NLK: variants seen among roughly 807,000 people sequenced by gnomAD.
NLK encodes the protein nemo like kinase, also known as serine/threonine-protein kinase NLK.
A neutral mutation model predicts 59.0 loss-of-function variants in NLK; 11 were observed. The observed-to-expected ratio is 0.19, with a 90% confidence interval of 0.12 to 0.31. The LOEUF (loss-of-function observed/expected upper bound fraction) is 0.31, where lower values mean the gene tolerates loss of function less well. Among genes scored for constraint, NLK ranks in the 10% least tolerant of loss-of-function variants. The pLI, the probability that NLK is intolerant of heterozygous loss-of-function variation, is 1.00. For missense variants in NLK, 410 were observed against 661.1 expected (o/e 0.62, Z 4.16); for synonymous variants, 235 against 235.9 (o/e 1.00, Z 0.03).
intron 1 of NLK, among the ~76,000 whole-genome samples, chr17:28,044,794 A>G (rs886652084): frequency 6.6e-6 from 1 of 152,170 alleles, no homozygotes; most frequent in Non-Finnish European, 1.5e-5. Context: ...AAATTTTGTC[A>G]TTGATTTACT....
At chr17:28,136,374 T>C (rs1011686197) in intron 3 of NLK, among the ~76,000 whole-genome samples, 2 of 152,082 alleles carry the variant, frequency 1.3e-5, no homozygotes, top group African/African-American at 4.8e-5. Context: ...GTGGTGTCAA[T>C]TGGAAAAAAC....
intron 1 of NLK, among the ~76,000 whole-genome samples, chr17:28,099,620 G>A (rs1482240110): frequency 4.3e-5 from 6 of 138,734 alleles, no homozygotes; most frequent in African/African-American, 1.1e-4. Context: ...CGCCCAGGCC[G>A]GACTGCGGAC....
chr17:28,177,538 G>C (rs1439212038), intron 7 of NLK, among the ~76,000 whole-genome samples: 1 of 152,160 alleles, frequency 6.6e-6, no homozygotes, highest in South Asian at 2.1e-4. Context: ...TCCATGCCAG[G>C]AATCTGACTC....
At chr17:28,171,233 A>G (rs1045886355) in intron 6 of NLK, 1 of 152,204 alleles carries the variant, frequency 6.6e-6, no homozygotes, top group African/African-American at 2.4e-5. Flanking sequence ...AAGTATCTCC[A>G]TTAACCTGTA....
intron 1 of NLK, among the ~76,000 whole-genome samples, chr17:28,057,175 G>A (rs1172821461): frequency 6.6e-6 from 1 of 151,934 alleles, no homozygotes; most frequent in Non-Finnish European, 1.5e-5. Context: ...GCCTGGTCTC[G>A]AACTCCTGAT....
chr17:28,076,513 C>A (rs914479249), intron 1 of NLK, among the ~76,000 whole-genome samples: 1 of 152,182 alleles, frequency 6.6e-6, no homozygotes, highest in African/African-American at 2.4e-5. Flanking sequence ...AGGATTTCAA[C>A]ATACAAATTT....
intron 1 of NLK, among the ~76,000 whole-genome samples, chr17:28,071,374 TAGA>T (rs1246556554): frequency 2.6e-5 from 4 of 151,958 alleles, no homozygotes; most frequent in Non-Finnish European, 5.9e-5. Flanking sequence ...GTAGATCAAA[TAGA>T]AGAGAATTTT....
At chr17:28,193,644 C>T (rs1390264173) in intron 10 of NLK, among the ~76,000 whole-genome samples, 2 of 152,220 alleles carry the variant, frequency 1.3e-5, no homozygotes, top group Non-Finnish European at 2.9e-5. Flanking sequence ...CAGTCTCTAT[C>T]TTCCCCGCTG....
chr17:28,085,344 A>G (rs1205574472), intron 1 of NLK, among the ~76,000 whole-genome samples: 5 of 152,224 alleles, frequency 3.3e-5, no homozygotes, highest in Non-Finnish European at 1.5e-5. Context: ...AAGTAATTAA[A>G]TTTAAACTTA....
chr17:28,167,370 G>A (rs902479211), intron 5 of NLK, among the ~76,000 whole-genome samples: 4 of 151,686 alleles, frequency 2.6e-5, no homozygotes, highest in East Asian at 1.9e-4. Context: ...CAGAGTAGCC[G>A]GGACTACAGG....
chr17:28,200,818 TAC>T (rs1303673246), downstream of NLK, among the ~76,000 whole-genome samples: 2 of 152,214 alleles, frequency 1.3e-5, no homozygotes, highest in African/African-American at 2.4e-5. Context: ...TTTTTTCAGT[TAC>T]ACTTTTATAA....
At chr17:28,201,276 T>C (rs1006497838), downstream of NLK, among the ~76,000 whole-genome samples, 1 of 151,966 alleles carries the variant, frequency 6.6e-6, no homozygotes, top group Admixed American at 6.6e-5. Context: ...AGAGATGAGA[T>C]TTTGCCATGT....
chr17:28,094,761 C>A (rs547096036), intron 1 of NLK, among the ~76,000 whole-genome samples: 4 of 152,208 alleles, frequency 2.6e-5, no homozygotes, highest in African/African-American at 9.6e-5. Context: ...AAAAGTTCAA[C>A]TTATATTAGC....
intron 1 of NLK, among the ~76,000 whole-genome samples, chr17:28,098,776 G>A (rs896079992): frequency 2.8e-5 from 4 of 143,728 alleles, no homozygotes; most frequent in East Asian, 2.1e-4. Flanking sequence ...TCCGCCTCCC[G>A]GGTTCAAGTG....
At chr17:28,064,417 G>A (rs1909761918) in intron 1 of NLK, among the ~76,000 whole-genome samples, 3 of 151,862 alleles carry the variant, frequency 2.0e-5, no homozygotes, top group Non-Finnish European at 4.4e-5. Flanking sequence ...CAAAGTGTTG[G>A]GATTATATAG....
intron 3 of NLK, among the ~76,000 whole-genome samples, chr17:28,158,242 C>CT (rs1036255485): frequency 1.3e-5 from 2 of 152,116 alleles, no homozygotes; most frequent in African/African-American, 4.8e-5. Flanking sequence ...CTGTAGGCAG[C>CT]TTTAATACAA....
chr17:28,056,393 G>A (rs1909445236), intron 1 of NLK, among the ~76,000 whole-genome samples: 1 of 152,206 alleles, frequency 6.6e-6, no homozygotes, highest in South Asian at 2.1e-4. Flanking sequence ...TGCACAGCTG[G>A]TTGGGGGCTG....
intron 1 of NLK, among the ~76,000 whole-genome samples, chr17:28,119,437 A>C (rs1905923214): frequency 6.6e-6 from 1 of 152,208 alleles, no homozygotes; most frequent in Non-Finnish European, 1.5e-5. Context: ...GAGTGGGTTT[A>C]TCTCCTTTAT....
intron 1 of NLK, among the ~76,000 whole-genome samples, chr17:28,046,568 C>T (rs1046496890): frequency 1.3e-5 from 2 of 152,164 alleles, no homozygotes; most frequent in Non-Finnish European, 2.9e-5. Flanking sequence ...CACAAAGCAA[C>T]CCACAAATAG....
Sources: allele counts gnomAD v4.1 joint callset (sites outside exome capture counted in the v4.1 genomes callset), GRCh38; gene constraint gnomAD v4.1.1; transcripts MANE v1.5; gene names NCBI Gene and HGNC (gene_info 2026-07-23, HGNC 2026-07-21).